Variants in CCDC171 observed in about 807,000 individuals in gnomAD.
CCDC171 encodes the protein coiled-coil domain-containing protein 171.
In CCDC171, 177 loss-of-function variants were observed where a neutral mutation model predicts 168.2. The ratio of observed to expected loss-of-function variants is 1.05; its 90% CI spans 0.93 to 1.19. The LOEUF is 1.19. Ranked by LOEUF, CCDC171 falls within the 50% of genes most tolerant of loss-of-function variation. The pLI, the probability that CCDC171 is intolerant of heterozygous loss-of-function variation, is 0.00. For missense variants in CCDC171, 1,991 were observed against 1,539.0 expected (o/e 1.29, Z -4.91); for synonymous variants, 687 against 540.8 (o/e 1.27, Z -3.75).
chr9:15,907,311 T>C (rs912362822), intron 24 of CCDC171, among the ~76,000 whole-genome samples: 6 of 152,152 alleles, frequency 3.9e-5, no homozygotes, highest in African/African-American at 1.4e-4. Context: ...AAAACAGATA[T>C]ATAGACCAAT....
At chr9:15,958,516 G>GTATTA (rs59603926) in intron 25 of CCDC171, among the ~76,000 whole-genome samples, 33,745 of 136,358 alleles carry the variant, frequency 0.25, 4,286 homozygotes, top group Non-Finnish European at 0.26. Flanking sequence ...CGGAGGTGAG[G>GTATTA]TATTATATTA....
rs1368246972 is a variant in CCDC171, at chr9:15,667,730, G to C, written c.1076+1407G>C. On this transcript the variant is annotated intron_variant, in intron 9 of 25. Transcript: ENST00000380701. The stretch of plus-strand genomic sequence containing the variant: ...ATTTAAATAGCGGTAATTTTTGTGA[G>C]TGTGACAAAAATCACGAAGATTGCA... Among the ~76,000 whole-genome samples the C allele has an allele frequency of 1.3e-5, 2 of 152,202 alleles. 1 individual carries two copies. The highest frequency in any genetic ancestry group is 4.1e-4 in the South Asian group (2 of 4,830).
Position 15,820,991 on chromosome 9 carries a change from A to T in CCDC171, c.3268-25711A>T, listed in dbSNP as rs1282366481. On this transcript the variant is annotated intron_variant, in intron 21 of 25. Coordinates refer to ENST00000380701, the MANE Select transcript of CCDC171 (RefSeq NM_173550.4). ...CACATCAAAAAGCTTACCCACCATG[A>T]TCAAGTGGGCTTCATCCCTGGGATG... is the stretch of plus-strand genomic sequence containing the variant. Among the ~76,000 whole-genome samples the T allele has an allele frequency of 3.4e-5, 4 of 117,268 alleles. 1 individual carries two copies. Among genetic ancestry groups the T allele is most frequent in the African/African-American group, 6.4e-5 (2 of 31,162 alleles). 76.9% of individuals were successfully genotyped at this position (117,268 alleles called of 152,430 possible).
At chr9:16,101,944 A>G in the CCDC171 span, among the ~76,000 whole-genome samples, 2 of 152,248 alleles carry the variant, frequency 1.3e-5, no homozygotes, top group Admixed American at 1.3e-4. Context: ...TGTCCAGAAC[A>G]TGCCAGACTC....
At chr9:15,815,036 G>GA (rs1353439715) in intron 21 of CCDC171, among the ~76,000 whole-genome samples, 4 of 152,230 alleles carry the variant, frequency 2.6e-5, no homozygotes, top group Non-Finnish European at 4.4e-5. Flanking sequence ...GGCTTAGGGG[G>GA]AAAAAATAAA....
At chr9:15,624,757 G>A (rs1291223795) in intron 7 of CCDC171, among the ~76,000 whole-genome samples, 1 of 152,158 alleles carries the variant, frequency 6.6e-6, no homozygotes, top group East Asian at 1.9e-4. Context: ...ATTGTGAATA[G>A]TGCTGCAGTA....
intron 21 of CCDC171, among the ~76,000 whole-genome samples, chr9:15,812,884 A>G (rs2059415566): frequency 6.6e-6 from 1 of 152,328 alleles, no homozygotes; most frequent in South Asian, 2.1e-4. Flanking sequence ...GGTTTAAATT[A>G]TCTTGCAGTT....
At chr9:16,052,126 C>G (rs759749176) in intron 1 of CCDC171, among the ~76,000 whole-genome samples, 40 of 152,200 alleles carry the variant, frequency 2.6e-4, no homozygotes, top group Non-Finnish European at 7.3e-5. Context: ...CACAGCCAAA[C>G]CAAATCACCC....
chr9:15,729,853 G>A, intron 16 of CCDC171, 55 bp downstream of exon 16: 1 of 1,463,452 alleles, frequency 6.8e-7, no homozygotes, highest in Non-Finnish European at 9.3e-7. Flanking sequence ...GTAACCATTA[G>A]AAACTTTTTT....
downstream of CCDC171, among the ~76,000 whole-genome samples, chr9:16,064,864 G>A (rs770412934): frequency 2.0e-5 from 3 of 152,194 alleles, no homozygotes; most frequent in Non-Finnish European, 4.4e-5. Flanking sequence ...GAAGTTCATG[G>A]TTTTCCGGTA....
chr9:15,750,567 A>G (rs1246644803), intron 18 of CCDC171, among the ~76,000 whole-genome samples: 4 of 152,348 alleles, frequency 2.6e-5, no homozygotes, highest in Middle Eastern at 3.4e-3. Context: ...AAAATCCTCA[A>G]TAAAATACTG....
chr9:15,911,787 C>G (rs1823682364), intron 24 of CCDC171, among the ~76,000 whole-genome samples: 1 of 152,176 alleles, frequency 6.6e-6, no homozygotes, highest in Non-Finnish European at 1.5e-5. Flanking sequence ...TTTCCCAACA[C>G]CATTTATTAA....
chr9:15,599,150 T>A (rs1564018046), intron 6 of CCDC171, among the ~76,000 whole-genome samples: 2 of 152,182 alleles, frequency 1.3e-5, no homozygotes. Flanking sequence ...CCATTTACAT[T>A]TAAGATTAAC....
intron 7 of CCDC171, among the ~76,000 whole-genome samples, chr9:15,630,568 A>G (rs901990136): frequency 6.6e-6 from 1 of 152,162 alleles, no homozygotes; most frequent in Non-Finnish European, 1.5e-5. Flanking sequence ...CTCCCACACA[A>G]TAATAATGGG....
chr9:15,915,975 G>C (rs570972341), intron 24 of CCDC171, among the ~76,000 whole-genome samples: 2 of 152,210 alleles, frequency 1.3e-5, no homozygotes, highest in East Asian at 1.9e-4. Context: ...CCTGGTTATA[G>C]TGTATTATCT....
chr9:15,865,069 C>A (rs1286106510), intron 23 of CCDC171, among the ~76,000 whole-genome samples: 2 of 151,932 alleles, frequency 1.3e-5, no homozygotes, highest in African/African-American at 2.4e-5. Context: ...AAATGACAAT[C>A]CAGAAATTGT....
intron 24 of CCDC171, among the ~76,000 whole-genome samples, chr9:15,888,608 G>T (rs940056710): frequency 1.3e-4 from 20 of 152,110 alleles, no homozygotes; most frequent in Admixed American, 1.0e-3. Context: ...ACAATGAATT[G>T]TTAAACAATT....
At chr9:15,711,003 T>G (rs765226464) in intron 11 of CCDC171, among the ~76,000 whole-genome samples, 7 of 152,218 alleles carry the variant, frequency 4.6e-5, no homozygotes, top group Admixed American at 2.0e-4. Context: ...TCCCATTGTA[T>G]AGTTTAACAT....
chr9:16,097,977 G>A, the CCDC171 span, among the ~76,000 whole-genome samples: 2 of 152,176 alleles, frequency 1.3e-5, no homozygotes, highest in East Asian at 1.9e-4. Flanking sequence ...AATGTTATAT[G>A]GAACTAGCAG....
Sources: allele counts gnomAD v4.1 joint callset (sites outside exome capture counted in the v4.1 genomes callset), GRCh38; gene constraint gnomAD v4.1.1; transcripts MANE v1.5; gene names NCBI Gene and HGNC (gene_info 2026-07-23, HGNC 2026-07-21).